The following ZNF334 variants were observed in gnomAD, a reference collection of about 807,000 sequenced individuals.
ZNF334 encodes the protein zinc finger protein 334.
ZNF334 carries 14 observed loss-of-function variants against 12.4 expected under a neutral mutation model. That is an observed-to-expected ratio of 1.13 (90% CI 0.74 to 1.76). The LOEUF (loss-of-function observed/expected upper bound fraction) is 1.76, where lower values mean the gene tolerates loss of function less well. Ranked by LOEUF, ZNF334 falls within the 40% of genes most tolerant of loss-of-function variation. ZNF334 has a pLI of 0.00. For synonymous variants in ZNF334, 273 were observed against 269.6 expected (o/e 1.01, Z -0.12); for missense variants, 797 against 804.5 (o/e 0.99, Z 0.11).
the ZNF334 span, chr20:46,474,447 G>T: frequency 6.6e-6 from 1 of 151,444 alleles, no homozygotes; most frequent in Non-Finnish European, 1.5e-5. Flanking sequence ...CTAGGGAGAA[G>T]AATTTGAATA....
At chr20:46,482,759 A>T in the ZNF334 span, among the ~76,000 whole-genome samples, 1 of 152,166 alleles carries the variant, frequency 6.6e-6, no homozygotes, top group Non-Finnish European at 1.5e-5. Context: ...TATATTCTGT[A>T]AATTTTTAAG....
At chr20:46,496,016 TTAA>T (rs998182042), downstream of ZNF334, among the ~76,000 whole-genome samples, 10 of 152,306 alleles carry the variant, frequency 6.6e-5, no homozygotes, top group African/African-American at 2.2e-4. Context: ...AGGAACCTTC[TTAA>T]AAGGTCTTCC....
the ZNF334 span, among the ~76,000 whole-genome samples, chr20:46,488,416 ATTTT>A: frequency 1.0e-4 from 8 of 79,332 alleles, no homozygotes; most frequent in African/African-American, 4.9e-4. Context: ...TGTAGCTCTT[ATTTT>A]ATATATATAT....
rs1202966853 is a variant in ZNF334 at position 46,501,050 on chromosome 20, T to C, written c.*246A>G. 9.2e-6 allele frequency: 4 copies of C among 436,638 alleles called. No homozygotes were observed. Among genetic ancestry groups the C allele is most frequent in the Non-Finnish European group, 1.6e-5 (4 of 250,048 alleles). 27.0% of individuals were successfully genotyped at this position (436,638 alleles called of 1,614,324 possible). A position where few individuals can be genotyped will look rare whatever the true frequency, so the allele number is the denominator to read the frequency against. ...TTCATTATTTTAAAAGGGAGGCACATTTGGCATAACCTTTGAATTGCTGTT... is the reference window on the plus strand; with the variant it reads ...TTCATTATTTTAAAAGGGAGGCACACTTGGCATAACCTTTGAATTGCTGTT... On this transcript the variant is annotated 3_prime_UTR_variant, in exon 5 of 5. Transcript: ENST00000692313.
chr20:46,506,139 GA>G (rs1399349338), intron 2 of ZNF334: 4 of 392,036 alleles, frequency 1.0e-5, no homozygotes, highest in Middle Eastern at 3.3e-4. Context: ...GTTGAGTAAA[GA>G]AGTACAGATA....
downstream of ZNF334, among the ~76,000 whole-genome samples, chr20:46,496,466 T>A (rs187475128): frequency 6.6e-6 from 1 of 152,126 alleles, no homozygotes; most frequent in East Asian, 1.9e-4. Flanking sequence ...GTGGGAAGGG[T>A]TGTGGGAAAC....
chr20:46,511,063 C>T (rs970557453), intron 2 of ZNF334, among the ~76,000 whole-genome samples: 3 of 151,782 alleles, frequency 2.0e-5, no homozygotes, highest in African/African-American at 4.8e-5. Context: ...TAGCAATGTT[C>T]ATGAAACAAA....
At chr20:46,503,176 A>G in intron 4 of ZNF334, 79 bp from the exon 5 acceptor site, 2 of 1,465,512 alleles carry the variant, frequency 1.4e-6, no homozygotes, top group Non-Finnish European at 1.8e-6. Context: ...TTAGAAATGC[A>G]TTGTTTTAGG....
the ZNF334 span, among the ~76,000 whole-genome samples, chr20:46,471,409 C>T: frequency 6.6e-6 from 1 of 152,142 alleles, no homozygotes; most frequent in Non-Finnish European, 1.5e-5. Context: ...TTTGGCTTGC[C>T]TCTTTCACTC....
At chr20:46,490,524 A>C in the ZNF334 span, among the ~76,000 whole-genome samples, 12 of 152,334 alleles carry the variant, frequency 7.9e-5, no homozygotes, top group African/African-American at 2.9e-4. Flanking sequence ...GATTCTTTTT[A>C]GGTTCTTTAA....
chr20:46,507,606 A>G (rs1423373860), intron 2 of ZNF334, among the ~76,000 whole-genome samples: 2 of 152,236 alleles, frequency 1.3e-5, no homozygotes, highest in Non-Finnish European at 2.9e-5. Flanking sequence ...AAAATAAAGC[A>G]GTAAAAAATA....
chr20:46,499,060 G>C (rs2061072270), downstream of ZNF334, among the ~76,000 whole-genome samples: 1 of 150,604 alleles, frequency 6.6e-6, no homozygotes, highest in Non-Finnish European at 1.5e-5. Context: ...TGTAGTCCCA[G>C]CTACTTGGGA....
chr20:46,490,328 C>T, the ZNF334 span, among the ~76,000 whole-genome samples: 3 of 152,278 alleles, frequency 2.0e-5, no homozygotes, highest in Admixed American at 1.3e-4. Flanking sequence ...GACCCTGTCG[C>T]ACAGTAAAAC....
chr20:46,471,962 G>T, the ZNF334 span, among the ~76,000 whole-genome samples: 1 of 152,164 alleles, frequency 6.6e-6, no homozygotes, highest in African/African-American at 2.4e-5. Flanking sequence ...AAAAAAGCTT[G>T]CTAGGATTTT....
chr20:46,501,740 AAT>A lies in ZNF334; in HGVS notation c.1597_1598del (p.Ile533CysfsTer12). ...GHAVSKNSHL[I>X]VHQRTIWERP... ...TCTCCCATATAGTTCTCTGATGTAC[AAT>A]GAGGTGTGAGTTTTTGCTGACGGCA... On this transcript the variant is annotated frameshift_variant, in exon 5 of 5. Coordinates refer to ENST00000692313, the MANE Select transcript of ZNF334 (RefSeq NM_001353824.2). LOFTEE classifies it low-confidence loss of function (END_TRUNC). The A allele has an allele frequency of 6.2e-7, 1 of 1,614,028 alleles. No homozygotes were observed. Among genetic ancestry groups the A allele is most frequent in the Non-Finnish European group, 8.5e-7 (1 of 1,179,996 alleles).
At chr20:46,508,028 A>C (rs1048331320) in intron 2 of ZNF334, among the ~76,000 whole-genome samples, 2 of 152,244 alleles carry the variant, frequency 1.3e-5, no homozygotes, top group African/African-American at 4.8e-5. Flanking sequence ...GTACTTGCTC[A>C]GGCAGACCCA....
At chr20:46,506,307 C>T (rs1174528731) in intron 2 of ZNF334, 1 of 648,912 alleles carries the variant, frequency 1.5e-6, no homozygotes, top group Non-Finnish European at 2.8e-6. Flanking sequence ...AATATATTAC[C>T]TTTTATGTAA....
the ZNF334 span, among the ~76,000 whole-genome samples, chr20:46,479,422 T>C: frequency 6.6e-6 from 1 of 151,872 alleles, no homozygotes; most frequent in African/African-American, 2.4e-5. Flanking sequence ...GGAAGGGAGG[T>C]TGGACACACC....
chr20:46,473,968 C>T, the ZNF334 span, among the ~76,000 whole-genome samples: 1 of 152,192 alleles, frequency 6.6e-6, no homozygotes, highest in African/African-American at 2.4e-5. Flanking sequence ...GATTAATTTT[C>T]AAAGATGGAT....
Sources: gnomAD v4.1 joint callset for allele counts (sites outside exome capture counted in the v4.1 genomes callset) on GRCh38, gnomAD v4.1.1 for gene constraint, MANE v1.5 for transcripts, NCBI Gene and HGNC (gene_info 2026-07-23, HGNC 2026-07-21) for gene names.